Variants in GSTA5 observed in about 807,000 individuals in gnomAD.
GSTA5 encodes glutathione S-transferase alpha 5.
GSTA5 carries 25 observed loss-of-function variants against 21.8 expected under a neutral mutation model. The ratio of observed to expected loss-of-function variants is 1.14; its 90% CI spans 0.83 to 1.60. The LOEUF is 1.60. Among genes scored for constraint, GSTA5 ranks in the 40% most tolerant of loss-of-function variants. The pLI, the probability that GSTA5 is intolerant of heterozygous loss-of-function variation, is 0.00. For synonymous variants in GSTA5, 102 were observed against 89.5 expected (o/e 1.14, Z -0.78); for missense variants, 330 against 259.2 (o/e 1.27, Z -1.88).
exon 1 of GSTA5, chr6:52,840,785 G>T (rs757242778): frequency 4.3e-6 from 7 of 1,613,986 alleles, no homozygotes; most frequent in Middle Eastern, 1.6e-4. Context: ...CCGTGCATTG[G>T]AGTAGTGGAG....
intron 5 of GSTA5, 26 bp downstream of exon 5, chr6:52,832,833 T>C (rs1288988127): frequency 6.2e-7 from 1 of 1,613,426 alleles, no homozygotes. Flanking sequence ...TGTGGGGCTG[T>C]CTCTCTGGGC....
At chr6:52,844,873 A>C (rs115056392), upstream of GSTA5, among the ~76,000 whole-genome samples, 463 of 152,284 alleles carry the variant, frequency 3.0e-3, 4 homozygotes, top group African/African-American at 0.011. Flanking sequence ...CTATCCATTA[A>C]TTATTTTACC....
At chr6:52,837,679 C>T in intron 1 of GSTA5, 70 bp from the exon 2 acceptor site, 1 of 1,057,168 alleles carries the variant, frequency 9.5e-7, no homozygotes. Context: ...TTGAATGGCC[C>T]CTATCTGGTG....
At chr6:52,839,836 A>G (rs1041371860) in intron 1 of GSTA5, among the ~76,000 whole-genome samples, 9 of 152,180 alleles carry the variant, frequency 5.9e-5, no homozygotes, top group African/African-American at 2.2e-4. Flanking sequence ...ACCTGGTAAC[A>G]CTGGGGAATG....
chr6:52,837,683 T>C (rs1764312995), intron 1 of GSTA5, 74 bp from the exon 2 acceptor site: 13 of 1,014,212 alleles, frequency 1.3e-5, no homozygotes, highest in Non-Finnish European at 2.0e-5. Flanking sequence ...ATGGCCCCTA[T>C]CTGGTGCATG....
upstream of GSTA5, among the ~76,000 whole-genome samples, chr6:52,842,071 G>A (rs930455809): frequency 2.6e-5 from 4 of 152,204 alleles, no homozygotes; most frequent in African/African-American, 9.7e-5. Flanking sequence ...TCACCTGCTT[G>A]TTGTAAATGG....
chr6:52,841,462 A>G (rs1324883221), upstream of GSTA5, among the ~76,000 whole-genome samples: 1 of 152,234 alleles, frequency 6.6e-6, no homozygotes, highest in Non-Finnish European at 1.5e-5. Flanking sequence ...TCTGGCTGTG[A>G]GACTGCATTT....
At chr6:52,843,447 C>T (rs1220928078), upstream of GSTA5, among the ~76,000 whole-genome samples, 2 of 152,220 alleles carry the variant, frequency 1.3e-5, no homozygotes, top group Non-Finnish European at 2.9e-5. Flanking sequence ...GCCATTCTAA[C>T]TGGCATGAGA....
At chr6:52,834,345 A>C (rs1438824004) in intron 3 of GSTA5, 63 bp from the exon 4 acceptor site, 5 of 1,514,926 alleles carry the variant, frequency 3.3e-6, no homozygotes, top group African/African-American at 2.8e-5. Flanking sequence ...AGGTTTATAA[A>C]AACCTAAGAA....
intron 5 of GSTA5, among the ~76,000 whole-genome samples, chr6:52,832,480 A>G (rs546770748): frequency 6.6e-6 from 1 of 152,272 alleles, no homozygotes; most frequent in South Asian, 2.1e-4. Flanking sequence ...CAGGGAGGAA[A>G]CCAGATGGAA....
At chr6:52,836,268 G>A (rs1275249490) in exon 3 of GSTA5, 6 of 1,613,778 alleles carry the variant, frequency 3.7e-6, no homozygotes, top group Non-Finnish European at 5.1e-6. Context: ...TCCCATAAAG[G>A]TTGTATTTGC....
In GSTA5 at chr6:52,831,834, C is replaced by A. The variant is rs1395035909; in HGVS notation, c.*14G>T. On this transcript the variant is annotated 3_prime_UTR_variant, in exon 6 of 6. Coordinates refer to ENST00000370989, the Ensembl canonical transcript of GSTA5. The stretch of plus-strand genomic sequence containing the variant: ...TATTGGTCTGGCATGTTCTTGGCCT[C>A]CATAGCTGCTTTATTAAAACCTGAA... The A allele has an allele frequency of 3.7e-6, 6 of 1,613,818 alleles. No individual in the cohort carries two copies. The highest frequency in any genetic ancestry group is 2.2e-5 in the East Asian group (1 of 44,876).
chr6:52,845,336 G>C (rs1764439263), upstream of GSTA5, among the ~76,000 whole-genome samples: 1 of 152,156 alleles, frequency 6.6e-6, no homozygotes, highest in South Asian at 2.1e-4. Context: ...GCAAGGTCTA[G>C]AGACATTTTG....
At chr6:52,833,351 C>T (rs1764244826) in intron 4 of GSTA5, among the ~76,000 whole-genome samples, 1 of 152,190 alleles carries the variant, frequency 6.6e-6, no homozygotes. Flanking sequence ...TGTGGCTCTA[C>T]ATTCTGCTCC....
chr6:52,845,362 G>A (rs1387290482), upstream of GSTA5, among the ~76,000 whole-genome samples: 1 of 152,122 alleles, frequency 6.6e-6, no homozygotes, highest in Non-Finnish European at 1.5e-5. Context: ...TCACATCTGC[G>A]GGGAGGGAGA....
rs1764218669 is a variant in GSTA5 at position 52,831,823 on chromosome 6, G to T, written c.*25C>A. 2 of 1,613,426 alleles carry T rather than the reference G, an allele frequency of 1.2e-6. 1 individual carries two copies. Among genetic ancestry groups the T allele is most frequent in the African/African-American group, 2.7e-5 (2 of 74,912 alleles). On this transcript the variant is annotated 3_prime_UTR_variant, in exon 6 of 6. Transcript: ENST00000370989. ...AAACTGTAGAATATTGGTCTGGCAT[G>T]TTCTTGGCCTCCATAGCTGCTTTAT...
At chr6:52,839,273 T>G (rs2127324882) in intron 1 of GSTA5, among the ~76,000 whole-genome samples, 1 of 152,272 alleles carries the variant, frequency 6.6e-6, no homozygotes, top group South Asian at 2.1e-4. Flanking sequence ...CCGCCTTCAG[T>G]CAGGCTGGAT....
At chr6:52,834,930 C>T (rs1051462865) in intron 3 of GSTA5, among the ~76,000 whole-genome samples, 1 of 152,212 alleles carries the variant, frequency 6.6e-6, no homozygotes, top group Non-Finnish European at 1.5e-5. Context: ...ATTCTCTATA[C>T]AATTACAACC....
chr6:52,836,314 A>T (rs775473333), exon 3 of GSTA5: 1 of 1,613,370 alleles, frequency 6.2e-7, no homozygotes, highest in African/African-American at 1.3e-5. Flanking sequence ...GGTCTGCACC[A>T]GCTTCATCCC....
Sources: allele counts gnomAD v4.1 joint callset (sites outside exome capture counted in the v4.1 genomes callset), GRCh38; gene constraint gnomAD v4.1.1; transcripts MANE v1.5; gene names NCBI Gene and HGNC (gene_info 2026-07-23, HGNC 2026-07-21).